ARHGAP12: variants seen among roughly 807,000 people sequenced by gnomAD.
The protein encoded by ARHGAP12 is Rho GTPase activating protein 12.
A neutral mutation model predicts 108.6 loss-of-function variants in ARHGAP12; 64 were observed. The observed-to-expected ratio is 0.59, with a 90% CI of 0.48 to 0.73. The LOEUF (loss-of-function observed/expected upper bound fraction) is 0.73, where lower values mean the gene tolerates loss of function less well. Ranked by LOEUF, ARHGAP12 falls within the 30% of genes least tolerant of loss-of-function variation. The pLI is 0.00. For missense variants in ARHGAP12, 940 were observed against 1,005.9 expected (o/e 0.93, Z 0.89); for synonymous variants, 312 against 337.2 (o/e 0.93, Z 0.82).
chr10:31,817,168 G>A (rs1592247294), intron 13 of ARHGAP12, among the ~76,000 whole-genome samples: 2 of 151,990 alleles, frequency 1.3e-5, no homozygotes, highest in East Asian at 3.9e-4. Context: ...CTATGACTGT[G>A]CCACTGCTCC....
At chr10:31,812,496 A>T (rs1287596669) in intron 15 of ARHGAP12, 1 of 314,068 alleles carries the variant, frequency 3.2e-6, no homozygotes, top group Non-Finnish European at 5.8e-6. Flanking sequence ...CTAAAAGTTT[A>T]GTGTGTTATT....
rs74575692 is a variant in ARHGAP12, at chr10:31,853,860, G to A, written c.1089+206C>T. On this transcript the variant is annotated intron_variant, in intron 5 of 19. Coordinates refer to ENST00000344936, the MANE Select transcript of ARHGAP12 (RefSeq NM_018287.7). ...CTTAAAAAGTCTTCCATGAGTACAAGAGCATAAAAATTACTATCATCCTTA... is the reference window on the plus strand; with the variant it reads ...CTTAAAAAGTCTTCCATGAGTACAAAAGCATAAAAATTACTATCATCCTTA... Among the ~76,000 whole-genome samples the A allele has an allele frequency of 6.1e-4, 93 of 152,220 alleles. 1 individual carries two copies. In the East Asian group the frequency reaches 0.017, roughly 28 times the overall value.
rs1361914527 is a variant in ARHGAP12, at chr10:31,863,350, TA to T, written c.685-1693del. Among the ~76,000 whole-genome samples the T allele has an allele frequency of 2.0e-5, 3 of 152,172 alleles. No individual in the cohort carries two copies. In the East Asian group the frequency reaches 5.8e-4, roughly 29 times the overall value. ...ATCATGTCTCAGAACCTAGAATATC[TA>T]GAGAATATTTATTCAACCAATATTA... On this transcript the variant is annotated intron_variant, in intron 3 of 19. Transcript: ENST00000344936.
chr10:31,811,506 A>G (rs965905069), intron 15 of ARHGAP12, among the ~76,000 whole-genome samples: 1 of 151,566 alleles, frequency 6.6e-6, no homozygotes, highest in Non-Finnish European at 1.5e-5. Context: ...CCTGGTGAAC[A>G]AATTAGCAAC....
chr10:31,888,174 G>A (rs1345045959), intron 3 of ARHGAP12, among the ~76,000 whole-genome samples: 1 of 152,142 alleles, frequency 6.6e-6, no homozygotes, highest in East Asian at 1.9e-4. Context: ...GGATATGACA[G>A]ACAACTGCTA....
chr10:31,819,270 G>A (rs544511665), intron 12 of ARHGAP12, among the ~76,000 whole-genome samples: 12 of 152,234 alleles, frequency 7.9e-5, no homozygotes, highest in African/African-American at 2.9e-4. Context: ...ACAATAAAGA[G>A]TAAAAATCAG....
intron 3 of ARHGAP12, among the ~76,000 whole-genome samples, chr10:31,878,308 C>A (rs1241163449): frequency 9.2e-5 from 14 of 152,126 alleles, no homozygotes; most frequent in Non-Finnish European, 2.1e-4. Context: ...TAGGGACAGG[C>A]CATGACCGTT....
chr10:31,839,563 A>G (rs1356997288), intron 8 of ARHGAP12, 74 bp downstream of exon 8: 5 of 1,345,508 alleles, frequency 3.7e-6, no homozygotes, highest in Non-Finnish European at 5.1e-6. Flanking sequence ...ACATTACATT[A>G]AGAGTAAATT....
intron 13 of ARHGAP12, among the ~76,000 whole-genome samples, chr10:31,817,169 C>A (rs1375291243): frequency 6.6e-6 from 1 of 151,910 alleles, no homozygotes; most frequent in African/African-American, 2.4e-5. Context: ...TATGACTGTG[C>A]CACTGCTCCA....
At chr10:31,886,503 T>C (rs1013486756) in intron 3 of ARHGAP12, among the ~76,000 whole-genome samples, 1 of 152,174 alleles carries the variant, frequency 6.6e-6, no homozygotes, top group African/African-American at 2.4e-5. Context: ...AATATTCCAG[T>C]ATCAGAATCC....
intron 1 of ARHGAP12, among the ~76,000 whole-genome samples, chr10:31,911,884 G>A (rs560369973): frequency 1.3e-5 from 2 of 152,296 alleles, no homozygotes; most frequent in East Asian, 3.9e-4. Context: ...GTACTGTCAA[G>A]GGAGGGGGAT....
chr10:31,865,614 G>A (rs1005052752), intron 3 of ARHGAP12, among the ~76,000 whole-genome samples: 5 of 152,072 alleles, frequency 3.3e-5, no homozygotes, highest in African/African-American at 7.2e-5. Flanking sequence ...GGCGACTCAC[G>A]CCTGTAATCC....
At chr10:31,921,988 A>G (rs1839834289) in intron 1 of ARHGAP12, among the ~76,000 whole-genome samples, 1 of 151,392 alleles carries the variant, frequency 6.6e-6, no homozygotes, top group Non-Finnish European at 1.5e-5. Context: ...TTAGAAGTTC[A>G]ATGCCACCCT....
At chr10:31,888,930 GAC>G (rs1014569194) in intron 3 of ARHGAP12, among the ~76,000 whole-genome samples, 1 of 150,966 alleles carries the variant, frequency 6.6e-6, no homozygotes, top group Admixed American at 6.6e-5. Flanking sequence ...TTTTTTTGGA[GAC>G]AGAGTCTCGC....
rs58245483 is a variant in ARHGAP12, at chr10:31,918,315, TCACACACACACACA to T, written c.-110-7766_-110-7753del. 5.7e-3 allele frequency among the ~76,000 whole-genome samples: 794 copies of T among 140,050 alleles called. 4 individuals are homozygous for T. Among genetic ancestry groups the T allele is most frequent in the South Asian group, 0.018 (78 of 4,220 alleles). 91.9% of individuals were successfully genotyped at this position (140,050 alleles called of 152,430 possible). A position where few individuals can be genotyped will look rare whatever the true frequency, so the allele number is the denominator to read the frequency against. ...TGAATATTACTGATCATTAGGGAAA[TCACACACACACACA>T]CACACACACACACACACACACACAC... On this transcript the variant is annotated intron_variant, in intron 1 of 19. Transcript: ENST00000344936.
intron 3 of ARHGAP12, among the ~76,000 whole-genome samples, chr10:31,903,653 G>A (rs1839012623): frequency 6.6e-6 from 1 of 152,046 alleles, no homozygotes; most frequent in Non-Finnish European, 1.5e-5. Context: ...ACACTATCAA[G>A]AGGATGAAAA....
intron 9 of ARHGAP12, 63 bp from the exon 10 acceptor site, chr10:31,831,863 A>G (rs1057073649): frequency 9.8e-7 from 1 of 1,017,342 alleles, no homozygotes. Context: ...GTTCTTACAC[A>G]TGACTGAACC....
At chr10:31,874,550 T>C (rs185881558) in intron 3 of ARHGAP12, among the ~76,000 whole-genome samples, 80 of 152,320 alleles carry the variant, frequency 5.3e-4, no homozygotes, top group African/African-American at 1.9e-3. Context: ...AAATTAAAAG[T>C]AGATGATTTT....
chr10:31,899,245 A>G (rs1838827684), intron 3 of ARHGAP12, among the ~76,000 whole-genome samples: 2 of 152,256 alleles, frequency 1.3e-5, no homozygotes. Flanking sequence ...AAAACAGTCT[A>G]AATAAATGAA....
Sources: allele counts gnomAD v4.1 joint callset (sites outside exome capture counted in the v4.1 genomes callset), GRCh38; gene constraint gnomAD v4.1.1; transcripts MANE v1.5; gene names NCBI Gene and HGNC (gene_info 2026-07-23, HGNC 2026-07-21).